ZNF518A: variants seen among roughly 807,000 people sequenced by gnomAD.
ZNF518A encodes the protein zinc finger protein 518.
Under a neutral mutation model 102.7 loss-of-function variants are expected in ZNF518A, and 47 were observed. The ratio of observed to expected loss-of-function variants is 0.46; its 90% confidence interval spans 0.36 to 0.58. The LOEUF is 0.58. Ranked by LOEUF, ZNF518A falls within the 20% of genes least tolerant of loss-of-function variation. The probability of loss-of-function intolerance (pLI) is 0.00; values close to 1 mark genes in which losing one functional copy is unlikely to be tolerated. For missense variants in ZNF518A, 1,793 were observed against 1,699.8 expected, an observed-to-expected ratio of 1.05 and a Z score of -0.96; for synonymous variants, 652 against 594.6, an observed-to-expected ratio of 1.10 and a Z score of -1.40.
intron 3 of ZNF518A, among the ~76,000 whole-genome samples, chr10:96,153,809 G>A (rs1369467661): frequency 6.6e-6 from 1 of 152,112 alleles, no homozygotes; most frequent in African/African-American, 2.4e-5. Flanking sequence ...CATAAGCAGT[G>A]GAAATACTGA....
At chr10:96,164,073 G>C (rs1355390640), downstream of ZNF518A, among the ~76,000 whole-genome samples, 2 of 152,166 alleles carry the variant, frequency 1.3e-5, no homozygotes, top group African/African-American at 4.8e-5. Flanking sequence ...GAGCAGAAAT[G>C]CTGTGAGAAT....
Position 96,160,280 on chromosome 10 carries a change from T to C in ZNF518A, c.3958T>C (p.Ser1320Pro). The change falls in exon 6 of 6, where the codon TCA (serine) becomes CCA (proline). Residue 1320 changes from serine to proline, a missense_variant. This residue lies in a region of ZNF518A where 1,741 missense variants were observed against 1,622.6 expected (regional missense o/e 1.07). Coordinates refer to ENST00000316045, the MANE Select transcript of ZNF518A (RefSeq NM_001330736.2). ...ATTTGGATTTAGCAGACCTAGGCTT[T>C]CAAAAGATTCCATCAGAACTTTGCG... ...ETFGFSRPRL[S>P]KDSIRTLRLF... The C allele has an allele frequency of 6.2e-7, 1 of 1,613,648 alleles. No individual in the cohort carries two copies. The highest frequency in any genetic ancestry group is 8.5e-7 in the Non-Finnish European group (1 of 1,179,692).
At chr10:96,174,693 T>C (rs782663375) in intron 1 of ZNF518A, among the ~76,000 whole-genome samples, 2 of 151,924 alleles carry the variant, frequency 1.3e-5, no homozygotes, top group African/African-American at 4.8e-5. Context: ...AAAACCCAGG[T>C]TTAGATGGCT....
At chr10:96,135,014 C>T (rs782741149) in intron 3 of ZNF518A, among the ~76,000 whole-genome samples, 2 of 152,220 alleles carry the variant, frequency 1.3e-5, no homozygotes, top group Non-Finnish European at 2.9e-5. Flanking sequence ...GGCTGTCCGT[C>T]AGTCTTACTG....
intron 3 of ZNF518A, chr10:96,135,390 G>A (rs2081547559): frequency 1.3e-5 from 2 of 152,206 alleles, no homozygotes; most frequent in Admixed American, 1.3e-4. Flanking sequence ...GAATTGGATT[G>A]CAGCAGAAAG....
In ZNF518A at chr10:96,175,140, A is replaced by G. The variant is rs782383073; in HGVS notation, n.35+19093A>G. ...CCACTCAGTCTATGATATTTTTGTT[A>G]TAGCACCCAGAGCTGATTAAGAAAT... On this transcript the variant is annotated intron_variant and non_coding_transcript_variant, in intron 1 of 2. Coordinates refer to the ZNF518A transcript ENST00000442635. 1.6e-4 allele frequency among the ~76,000 whole-genome samples: 25 copies of G among 152,154 alleles called. 1 individual carries two copies. Among genetic ancestry groups the G allele is most frequent in the Non-Finnish European group, 2.1e-4 (14 of 68,024 alleles).
chr10:96,137,998 ACTT>A (rs1410746758), intron 3 of ZNF518A, among the ~76,000 whole-genome samples: 1 of 152,064 alleles, frequency 6.6e-6, no homozygotes, highest in Non-Finnish European at 1.5e-5. Context: ...TGCTGTCAGA[ACTT>A]CTAGAGTTAT....
intron 1 of ZNF518A, among the ~76,000 whole-genome samples, chr10:96,186,803 C>T (rs1424302496): frequency 6.6e-6 from 1 of 152,238 alleles, no homozygotes; most frequent in Non-Finnish European, 1.5e-5. Flanking sequence ...ATTATTGCAA[C>T]TTACACCAAA....
chr10:96,175,687 T>G (rs1272780923), intron 1 of ZNF518A, among the ~76,000 whole-genome samples: 1 of 152,144 alleles, frequency 6.6e-6, no homozygotes, highest in Non-Finnish European at 1.5e-5. Context: ...AATGGGTATT[T>G]CAGGTCAAAG....
At chr10:96,137,611 G>A (rs1414065710) in intron 3 of ZNF518A, among the ~76,000 whole-genome samples, 1 of 152,176 alleles carries the variant, frequency 6.6e-6, no homozygotes, top group Non-Finnish European at 1.5e-5. Flanking sequence ...CCACATTCTT[G>A]ATTTACCTTA....
intron 3 of ZNF518A, chr10:96,151,435 A>T (rs1321765591): frequency 6.6e-6 from 1 of 151,984 alleles, no homozygotes; most frequent in Admixed American, 6.6e-5. Flanking sequence ...GCAATCCCCT[A>T]CTCTGTCTGG....
downstream of ZNF518A, among the ~76,000 whole-genome samples, chr10:96,166,403 A>G (rs1290479296): frequency 1.3e-5 from 2 of 152,212 alleles, no homozygotes; most frequent in African/African-American, 4.8e-5. Flanking sequence ...TGTAGAAAAC[A>G]GTAGAGCAAT....
At chr10:96,179,180 T>C (rs1363927061) in intron 1 of ZNF518A, among the ~76,000 whole-genome samples, 1 of 152,086 alleles carries the variant, frequency 6.6e-6, no homozygotes, top group Non-Finnish European at 1.5e-5. Flanking sequence ...CCCAGCAATA[T>C]ATAAAATGGA....
chr10:96,186,394 C>T (rs1198784845), intron 1 of ZNF518A, among the ~76,000 whole-genome samples: 13 of 152,222 alleles, frequency 8.5e-5, no homozygotes, highest in South Asian at 4.1e-4. Flanking sequence ...GGAACAATAA[C>T]ATAAAGTAGG....
chr10:96,150,736 T>G (rs1227394515), intron 3 of ZNF518A, among the ~76,000 whole-genome samples: 4 of 113,380 alleles, frequency 3.5e-5, no homozygotes, highest in Admixed American at 1.0e-4. Context: ...GCAACTTTCT[T>G]TCTTTCCTTT....
In ZNF518A at chr10:96,158,548, G is replaced by C; in HGVS notation, c.2226G>C (p.Glu742Asp). ...ACAGTAATGAAAATCAAAATTTAGAGTGTGCGACTGAAAAATCTAAATGGG... is the reference window on the plus strand; with the variant it reads ...ACAGTAATGAAAATCAAAATTTAGACTGTGCGACTGAAAAATCTAAATGGG... ...NLYSNENQNL[E>D]CATEKSKWED... The change falls in exon 6 of 6, where the codon GAG (glutamate) becomes GAC (aspartate). Residue 742 changes from glutamate (E) to aspartate (D), a missense_variant. Around this residue, in one of 3 missense-constraint regions of ZNF518A, gnomAD observed 1,741 missense variants for 1,622.6 expected, o/e 1.07. Coordinates refer to ENST00000316045, the MANE Select transcript of ZNF518A (RefSeq NM_001330736.2). 2 of 1,612,960 alleles carry C rather than the reference G, an allele frequency of 1.2e-6. No individual in the cohort carries two copies. The highest frequency in any genetic ancestry group is 1.7e-6 in the Non-Finnish European group (2 of 1,179,572).
downstream of ZNF518A, chr10:96,204,529 T>C: frequency 1.2e-6 from 2 of 1,613,872 alleles, no homozygotes. Flanking sequence ...AAAGGATTCT[T>C]ACTTCTGGGC....
chr10:96,166,519 A>G (rs1323985994), downstream of ZNF518A, among the ~76,000 whole-genome samples: 9 of 152,170 alleles, frequency 5.9e-5, no homozygotes, highest in African/African-American at 2.2e-4. Context: ...CTGTAATCCC[A>G]GCACTCTGGG....
intron 1 of ZNF518A, among the ~76,000 whole-genome samples, chr10:96,131,094 C>T (rs1591078398): frequency 6.6e-6 from 1 of 151,976 alleles, no homozygotes; most frequent in African/African-American, 2.4e-5. Context: ...TGTTGTCAAA[C>T]GTCTAAAAAA....
Sources: gnomAD v4.1 joint callset for allele counts (sites outside exome capture counted in the v4.1 genomes callset) on GRCh38, gnomAD v4.1.1 for gene constraint, gnomAD v4.1.1 regional missense constraint, MANE v1.5 for transcripts, NCBI Gene and HGNC (gene_info 2026-07-23, HGNC 2026-07-21) for gene names.